The following TRAPPC9 variants were observed in gnomAD, a reference collection of about 807,000 sequenced individuals.
TRAPPC9 encodes trafficking protein particle complex subunit 9.
TRAPPC9 carries 83 observed loss-of-function variants against 124.0 expected under a neutral mutation model. The ratio of observed to expected loss-of-function variants is 0.67; its 90% CI spans 0.56 to 0.80. The LOEUF (loss-of-function observed/expected upper bound fraction) is 0.80. Ranked by LOEUF, TRAPPC9 falls within the 30% of genes least tolerant of loss-of-function variation. The pLI, the probability that TRAPPC9 is intolerant of heterozygous loss-of-function variation, is 0.00. For synonymous variants in TRAPPC9, 638 were observed against 617.5 expected (o/e 1.03, Z -0.49); for missense variants, 1,302 against 1,508.3 (o/e 0.86, Z 2.27).
intron 17 of TRAPPC9, among the ~76,000 whole-genome samples, chr8:140,205,805 C>T (rs772635304): frequency 1.8e-4 from 27 of 152,220 alleles, no homozygotes; most frequent in Non-Finnish European, 3.2e-4. Context: ...GAGTCACCAT[C>T]TGCCCAACCA....
At chr8:140,311,563 C>G (rs1012139715) in intron 9 of TRAPPC9, among the ~76,000 whole-genome samples, 189 bp from the exon 10 acceptor site, 4 of 152,226 alleles carry the variant, frequency 2.6e-5, no homozygotes, top group Non-Finnish European at 4.4e-5. Context: ...ATCACCGGCA[C>G]TGCTCCTCTT....
At chr8:140,293,988 G>C (rs1183756124) in intron 11 of TRAPPC9, among the ~76,000 whole-genome samples, 1 of 151,996 alleles carries the variant, frequency 6.6e-6, no homozygotes, top group Non-Finnish European at 1.5e-5. Flanking sequence ...TGCAGTGAAT[G>C]GCCACAGTCT....
At chr8:140,421,001 T>A (rs1442550725) in intron 5 of TRAPPC9, among the ~76,000 whole-genome samples, 1 of 151,998 alleles carries the variant, frequency 6.6e-6, no homozygotes, top group Non-Finnish European at 1.5e-5. Context: ...TTTTGGGAGG[T>A]TGAGGCAAGA....
intron 15 of TRAPPC9, among the ~76,000 whole-genome samples, chr8:140,275,411 G>A (rs73714851): frequency 6.6e-6 from 1 of 152,258 alleles, no homozygotes; most frequent in East Asian, 1.9e-4. Flanking sequence ...GTGTGTGCTC[G>A]GTCCCACTGT....
intron 17 of TRAPPC9, among the ~76,000 whole-genome samples, chr8:140,059,614 C>T (rs995250911): frequency 2.2e-4 from 33 of 152,314 alleles, no homozygotes; most frequent in African/African-American, 7.0e-4. Flanking sequence ...GTCTTCTGGG[C>T]AATGTGTGTG....
intron 21 of TRAPPC9, among the ~76,000 whole-genome samples, chr8:139,857,034 C>A (rs71514655): frequency 0.064 from 9,377 of 146,572 alleles, 452 homozygotes; most frequent in South Asian, 0.21. Context: ...GTCGGGACGC[C>A]CTGGGAATCT....
At position 139,907,792 on chromosome 8, in the gene TRAPPC9, G is replaced by C. The variant is rs184351407; in HGVS notation, c.2964+2355C>G. ...GCAAAGACATTTTCTGTACTTTTTT[G>C]ATACTGGTTTTCAAAGAACGCAAGA... On this transcript the variant is annotated intron_variant, in intron 20 of 22. Transcript: ENST00000438773. This position sits in a 1 kb window ranked among gnomAD's most constrained non-coding sequence, Gnocchi z 4.7. Among the ~76,000 whole-genome samples, 1 of 152,316 alleles carries C rather than the reference G, an allele frequency of 6.6e-6. No homozygotes were observed. The highest frequency in any genetic ancestry group is 1.9e-4 in the East Asian group (1 of 5,182).
intron 19 of TRAPPC9, among the ~76,000 whole-genome samples, chr8:139,927,603 C>T (rs1243493907): frequency 1.3e-5 from 2 of 152,114 alleles, no homozygotes; most frequent in Admixed American, 1.3e-4. Context: ...AATCCTACTC[C>T]CAGATATTCA....
At chr8:139,855,945 T>C (rs1827774464) in intron 21 of TRAPPC9, among the ~76,000 whole-genome samples, 1 of 152,210 alleles carries the variant, frequency 6.6e-6, no homozygotes, top group African/African-American at 2.4e-5. Flanking sequence ...ATTTGCATGT[T>C]GAGACAGATA....
chr8:139,849,594 A>C (rs896496600), intron 21 of TRAPPC9, among the ~76,000 whole-genome samples: 3 of 152,224 alleles, frequency 2.0e-5, no homozygotes, highest in Non-Finnish European at 4.4e-5. Flanking sequence ...CAGGTTATAG[A>C]TCAGAGTACT....
intron 16 of TRAPPC9, among the ~76,000 whole-genome samples, chr8:140,242,941 T>G (rs2063895705): frequency 6.6e-6 from 1 of 151,320 alleles, no homozygotes; most frequent in African/African-American, 2.4e-5. Context: ...ACAAGAAGGA[T>G]GAAAAAGTGA....
intron 17 of TRAPPC9, among the ~76,000 whole-genome samples, chr8:140,066,068 T>G (rs1292950560): frequency 6.6e-6 from 1 of 151,966 alleles, no homozygotes; most frequent in Non-Finnish European, 1.5e-5. Flanking sequence ...TGAAAGGAGG[T>G]CAAAATAGCA....
chr8:140,011,670 ATTTTTTTTTTTTTT>A (rs56884853), intron 18 of TRAPPC9, among the ~76,000 whole-genome samples: 6 of 62,630 alleles, frequency 9.6e-5, no homozygotes, highest in African/African-American at 3.1e-4. Context: ...CACCCAGCTA[ATTTTTTTTTTTTTT>A]TTTTTTTTTT....
chr8:139,846,012 G>T (rs1827052131), intron 21 of TRAPPC9, among the ~76,000 whole-genome samples: 1 of 152,246 alleles, frequency 6.6e-6, no homozygotes, highest in Non-Finnish European at 1.5e-5. Context: ...TGGGGACTGG[G>T]AAGCTCCAAA....
At chr8:140,334,320 TTTA>T (rs1312496262) in intron 9 of TRAPPC9, among the ~76,000 whole-genome samples, 25 of 152,036 alleles carry the variant, frequency 1.6e-4, no homozygotes, top group African/African-American at 5.8e-4. Flanking sequence ...ATTGATACAT[TTTA>T]GGAAATAATT....
At chr8:140,008,099 T>C (rs1838878604) in intron 18 of TRAPPC9, among the ~76,000 whole-genome samples, 1 of 152,182 alleles carries the variant, frequency 6.6e-6, no homozygotes, top group Non-Finnish European at 1.5e-5. Flanking sequence ...AATATATTAA[T>C]AATAGGAATG....
upstream of TRAPPC9, chr8:140,457,748 G>T (rs7002400): frequency 4.0e-6 from 4 of 993,462 alleles, no homozygotes; most frequent in Non-Finnish European, 2.4e-6. Flanking sequence ...TCCTACTGGC[G>T]GCCGAGCCGG....
intron 19 of TRAPPC9, among the ~76,000 whole-genome samples, chr8:139,920,451 C>T (rs896589039): frequency 4.6e-5 from 7 of 152,232 alleles, no homozygotes; most frequent in African/African-American, 1.7e-4. Flanking sequence ...ATCTGCCGTG[C>T]CCTTGGGCAA....
intron 6 of TRAPPC9, among the ~76,000 whole-genome samples, chr8:140,404,353 G>A (rs550753261): frequency 2.0e-4 from 30 of 152,196 alleles, no homozygotes; most frequent in Non-Finnish European, 2.6e-4. Context: ...ATCCATCCAC[G>A]AGAGAATAAT....
Sources: gnomAD v4.1 joint callset for allele counts (sites outside exome capture counted in the v4.1 genomes callset) on GRCh38, gnomAD v4.1.1 for gene constraint, Gnocchi (gnomAD v3.1) non-coding constraint, MANE v1.5 for transcripts, NCBI Gene and HGNC (gene_info 2026-07-23, HGNC 2026-07-21) for gene names.